Variants in CCNYL1 observed in about 807,000 individuals in gnomAD.
CCNYL1 encodes the protein cyclin-Y-like protein 1.
Under a neutral mutation model 44.2 loss-of-function variants are expected in CCNYL1, and 16 were observed. The observed-to-expected ratio is 0.36, with a 90% CI of 0.25 to 0.55. The LOEUF is 0.55. Ranked by LOEUF, CCNYL1 falls within the 20% of genes least tolerant of loss-of-function variation. CCNYL1 has a pLI of 0.85. For synonymous variants in CCNYL1, 159 were observed against 163.2 expected (o/e 0.97, Z 0.20); for missense variants, 348 against 451.8 (o/e 0.77, Z 2.08).
chr2:207,750,749 C>T, intron 8 of CCNYL1: 1 of 479,700 alleles, frequency 2.1e-6, no homozygotes, highest in Non-Finnish European at 3.7e-6. Flanking sequence ...AACCTTCAAC[C>T]TTCATCCCAG....
intron 3 of CCNYL1, among the ~76,000 whole-genome samples, chr2:207,729,725 TGA>T (rs2091711021): frequency 6.6e-6 from 1 of 151,964 alleles, no homozygotes; most frequent in African/African-American, 2.4e-5. Context: ...CTTTTCTTTC[TGA>T]GAGAGTCTCA....
chr2:207,714,896 A>G (rs372338047), intron 1 of CCNYL1: 3 of 152,520 alleles, frequency 2.0e-5, no homozygotes, highest in East Asian at 3.9e-4. Flanking sequence ...AAGTATAGAC[A>G]CATTGAAAGT....
At chr2:207,734,356 T>C (rs1329377231) in intron 4 of CCNYL1, among the ~76,000 whole-genome samples, 3 of 152,266 alleles carry the variant, frequency 2.0e-5, no homozygotes, top group African/African-American at 7.2e-5. Context: ...GTGCTTTTTA[T>C]TGGATGTTTC....
chr2:207,717,388 G>C (rs751880680), intron 1 of CCNYL1, among the ~76,000 whole-genome samples: 8 of 152,178 alleles, frequency 5.3e-5, no homozygotes, highest in Non-Finnish European at 1.0e-4. Context: ...TGTTTATTGA[G>C]TACCTTTAGG....
intron 4 of CCNYL1, among the ~76,000 whole-genome samples, chr2:207,734,736 T>C (rs530075902): frequency 3.3e-5 from 5 of 152,284 alleles, no homozygotes; most frequent in African/African-American, 1.2e-4. Context: ...AAAACATAAC[T>C]AGCTTATAAA....
Position 207,755,715 on chromosome 2 carries a change from ATACT to A in CCNYL1, c.*2021_*2024del, listed in dbSNP as rs760748174. 14 of 152,346 alleles carry A rather than the reference ATACT, an allele frequency of 9.2e-5. 1 individual carries two copies. The East Asian group carries it at 9.6e-4, about 10-fold the overall frequency. 9.4% of individuals were successfully genotyped at this position (152,346 alleles called of 1,614,324 possible). ...CCCATTAAGTCCTGCTATTTAAGAAATACTTACATAACCCTTAGGAACTCTTCAG... is the reference window on the plus strand; with the variant it reads ...CCCATTAAGTCCTGCTATTTAAGAAATACATAACCCTTAGGAACTCTTCAG... On this transcript the variant is annotated 3_prime_UTR_variant, in exon 10 of 10. Transcript: ENST00000295414.
chr2:207,712,122 G>A lies in CCNYL1; in HGVS notation c.220+6G>A, dbSNP rs756833163. The A allele has an allele frequency of 6.3e-7, 1 of 1,594,836 alleles. No homozygotes were observed. Among genetic ancestry groups the A allele is most frequent in the South Asian group, 1.1e-5 (1 of 90,456 alleles). The stretch of plus-strand genomic sequence containing the variant: ...CGACCGCGAGATGCCCGAAGGTAAG[G>A]AGGCGGCGGATGCCATCCGCCCTCG... On this transcript the variant is annotated splice_donor_region_variant and intron_variant, in intron 1 of 9. Transcript: ENST00000295414.
At chr2:207,736,788 A>G (rs192192456) in intron 4 of CCNYL1, among the ~76,000 whole-genome samples, 14 of 152,350 alleles carry the variant, frequency 9.2e-5, no homozygotes, top group Admixed American at 8.5e-4. Context: ...AAATTTAAGC[A>G]TGTATACAAA....
chr2:207,737,910 C>T (rs372543011), intron 5 of CCNYL1, among the ~76,000 whole-genome samples: 33 of 152,068 alleles, frequency 2.2e-4, no homozygotes, highest in Non-Finnish European at 3.8e-4. Context: ...TCTACAACAA[C>T]GAAGTTGAGT....
At chr2:207,717,428 G>T (rs7582570) in intron 1 of CCNYL1, among the ~76,000 whole-genome samples, 1 of 152,082 alleles carries the variant, frequency 6.6e-6, no homozygotes, top group Non-Finnish European at 1.5e-5. Context: ...ATTTAGGGCA[G>T]ACAGTGGTAT....
chr2:207,753,635 G>A lies in CCNYL1; in HGVS notation c.1017G>A (p.Met339Ile). 1 of 1,613,770 alleles carries A rather than the reference G, an allele frequency of 6.2e-7. No individual in the cohort carries two copies. Among genetic ancestry groups the A allele is most frequent in the Non-Finnish European group, 8.5e-7 (1 of 1,179,758 alleles). Residue 339 changes from methionine (M) to isoleucine (I), a missense_variant, in exon 10 of 10, where the codon ATG becomes ATA. Coordinates refer to ENST00000295414, the MANE Select transcript of CCNYL1 (RefSeq NM_001330218.2). ...CEDKDLCRAA[M>I]RRSFSADNFI... ...ACAAAGACTTGTGTAGAGCCGCTAT[G>A]AGAAGGTCTTTCAGTGCTGATAACT...
rs185205884 is a variant in CCNYL1 at position 207,724,788 on chromosome 2, C to T, written c.221-12C>T. 12 of 1,604,834 alleles carry T rather than the reference C, an allele frequency of 7.5e-6. No individual in the cohort carries two copies. Among genetic ancestry groups the T allele is most frequent in the Admixed American group, 1.7e-5 (1 of 59,792 alleles). On this transcript the variant is annotated splice_polypyrimidine_tract_variant and intron_variant, in intron 1 of 9. Coordinates refer to ENST00000295414, the MANE Select transcript of CCNYL1 (RefSeq NM_001330218.2). ...ACCTAAAGTGTCACGTCTTTTTCCTCCTCTTCTATAGATTTAGCTTTGGAG... is the reference window on the plus strand; with the variant it reads ...ACCTAAAGTGTCACGTCTTTTTCCTTCTCTTCTATAGATTTAGCTTTGGAG...
chr2:207,735,080 TA>T (rs2091754681), intron 4 of CCNYL1, among the ~76,000 whole-genome samples: 1 of 152,238 alleles, frequency 6.6e-6, no homozygotes, highest in African/African-American at 2.4e-5. Context: ...AAAGTAGTTT[TA>T]AAGATTAACC....
chr2:207,742,667 G>A (rs2091820251), intron 7 of CCNYL1, among the ~76,000 whole-genome samples: 2 of 152,166 alleles, frequency 1.3e-5, no homozygotes, highest in South Asian at 2.1e-4. Flanking sequence ...ATGGGGAGTG[G>A]TAACAAAACC....
chr2:207,740,984 G>A (rs1217605652), intron 6 of CCNYL1, among the ~76,000 whole-genome samples: 12 of 152,138 alleles, frequency 7.9e-5, no homozygotes, highest in African/African-American at 2.4e-4. Flanking sequence ...GGCCGGGCAC[G>A]GTGGCTCATG....
rs143979153 is a variant in CCNYL1, at chr2:207,713,425, G to T, written c.220+1309G>T. 1.1e-3 allele frequency among the ~76,000 whole-genome samples: 175 copies of T among 152,214 alleles called. 5 individuals carry two copies. The East Asian group carries it at 0.03, about 26-fold the overall frequency. On this transcript the variant is annotated intron_variant, in intron 1 of 9. Coordinates refer to ENST00000295414, the MANE Select transcript of CCNYL1 (RefSeq NM_001330218.2). ...TCCTGGTCAAAGATGAGAATGTTGG[G>T]GTTCGTCAGACTCTAAACCGTTGAG...
At chr2:207,719,171 A>G (rs1034748570) in intron 1 of CCNYL1, among the ~76,000 whole-genome samples, 2 of 152,222 alleles carry the variant, frequency 1.3e-5, no homozygotes, top group Non-Finnish European at 2.9e-5. Flanking sequence ...AGAGGTAGCC[A>G]AAGTGCATAT....
intron 6 of CCNYL1, among the ~76,000 whole-genome samples, chr2:207,741,021 C>A (rs2091805175): frequency 6.6e-6 from 1 of 150,992 alleles, no homozygotes; most frequent in Non-Finnish European, 1.5e-5. Flanking sequence ...TTTGGGAGGC[C>A]GAGGCAGGCG....
chr2:207,721,868 C>T (rs2091642892), intron 1 of CCNYL1, among the ~76,000 whole-genome samples: 1 of 151,314 alleles, frequency 6.6e-6, no homozygotes, highest in Non-Finnish European at 1.5e-5. Context: ...GGTGGCAGCT[C>T]CTGGCTGGCT....
Sources: allele counts gnomAD v4.1 joint callset (sites outside exome capture counted in the v4.1 genomes callset), GRCh38; gene constraint gnomAD v4.1.1; transcripts MANE v1.5; gene names NCBI Gene and HGNC (gene_info 2026-07-23, HGNC 2026-07-21).